RPS6KB2: variants seen among roughly 807,000 people sequenced by gnomAD.
RPS6KB2 encodes ribosomal protein S6 kinase B2, also known as ribosomal protein S6 kinase beta-2.
In RPS6KB2, 51 loss-of-function variants were observed where a neutral mutation model predicts 58.2. That is an observed-to-expected ratio of 0.88 (90% CI 0.70 to 1.11). The LOEUF (loss-of-function observed/expected upper bound fraction) is 1.11. Ranked by LOEUF, RPS6KB2 falls within the 50% of genes least tolerant of loss-of-function variation. The pLI, the probability that RPS6KB2 is intolerant of heterozygous loss-of-function variation, is 0.00. For missense variants in RPS6KB2, 671 were observed against 655.8 expected (o/e 1.02, Z -0.25); for synonymous variants, 293 against 258.6 (o/e 1.13, Z -1.28).
At position 67,429,569 on chromosome 11, in the gene RPS6KB2, A is replaced by G; in HGVS notation, c.283A>G (p.Ile95Val). 6.2e-7 allele frequency: 1 copy of G among 1,613,064 alleles called. No homozygotes were observed. The highest frequency in any genetic ancestry group is 8.5e-7 in the Non-Finnish European group (1 of 1,179,662). Reference sequence around the variant, plus strand: ...GGTGCAAGGCACCAACTTGGGCAAAATATATGCCATGAAAGTCCTAAGGAA... The same window carrying G: ...GGTGCAAGGCACCAACTTGGGCAAAGTATATGCCATGAAAGTCCTAAGGAA... ...RKVQGTNLGK[I>V]YAMKVLRKAK... The change falls in exon 4 of 15, where the codon ATA becomes GTA. Residue 95 changes from isoleucine to valine, a missense_variant. By Grantham distance (29) the Ile-to-Val change is conservative. Transcript: ENST00000312629.
rs758160055 is a variant in RPS6KB2, at chr11:67,429,211, C to CTCAAGGG, written c.211_212insTCAAGGG (p.Arg71LeufsTer51). On this transcript the variant is annotated frameshift_variant, in exon 3 of 15. Coordinates refer to ENST00000312629, the MANE Select transcript of RPS6KB2 (RefSeq NM_003952.3). LOFTEE classifies it high-confidence loss of function. ...CGGGCCCCACTGCTTTGAGCTGCTG[C>CTCAAGGG]GTGTGCTGGGCAAGGGGGGCTATGG... 6.2e-7 allele frequency: 1 copy of CTCAAGGG among 1,613,558 alleles called. No individual in the cohort carries two copies. The highest frequency in any genetic ancestry group is 1.1e-5 in the South Asian group (1 of 91,086).
At chr11:67,433,069 G>T in intron 8 of RPS6KB2, 27 bp downstream of exon 8, 1 of 1,612,670 alleles carries the variant, frequency 6.2e-7, no homozygotes, top group Non-Finnish European at 8.5e-7. Flanking sequence ...TGGCCCAGGG[G>T]TCGGGAGGAC....
rs1864234876 is a variant in RPS6KB2, at chr11:67,435,321, C to G, written c.*152C>G. ...TGTGTGTCTGCTGGGGCAGCTGTGC[C>G]CCTGAATCATGGGCACGGAGGGCCG... is the stretch of plus-strand genomic sequence containing the variant. On this transcript the variant is annotated 3_prime_UTR_variant, in exon 15 of 15. Transcript: ENST00000312629. The G allele has an allele frequency of 3.8e-6, 3 of 791,376 alleles. No individual in the cohort carries two copies. Among genetic ancestry groups the G allele is most frequent in the Non-Finnish European group, 5.8e-6 (3 of 516,238 alleles). The allele number at this position is 791,376 out of a possible 1,614,324, so 49.0% of individuals were successfully genotyped here. A position where few individuals can be genotyped will look rare whatever the true frequency, so the allele number is the denominator to read the frequency against.
chr11:67,435,211 T>G lies in RPS6KB2; in HGVS notation c.*42T>G. ...GAGGGTAGCCCTTGAGCCCTGTCCC[T>G]GCGGCTGTGAGAGCAGCAGGACCCT... On this transcript the variant is annotated 3_prime_UTR_variant, in exon 15 of 15. Coordinates refer to ENST00000312629, the MANE Select transcript of RPS6KB2 (RefSeq NM_003952.3). The G allele has an allele frequency of 6.8e-7, 1 of 1,476,808 alleles. No individual in the cohort carries two copies. The highest frequency in any genetic ancestry group is 9.0e-7 in the Non-Finnish European group (1 of 1,111,096). 91.5% of individuals were successfully genotyped at this position (1,476,808 alleles called of 1,614,324 possible).
Position 67,432,718 on chromosome 11 carries a change from C to G in RPS6KB2, c.516-19C>G, listed in dbSNP as rs745460258. On this transcript the variant is annotated intron_variant, in intron 6 of 14. Transcript: ENST00000312629. The stretch of plus-strand genomic sequence containing the variant: ...GGTCCCTGCTCTACTCCCGCCTTCA[C>G]CCTGTCTTGTTTCTGCAGCTTCTAC... The G allele has an allele frequency of 1.5e-5, 25 of 1,613,902 alleles. 1 individual carries two copies. In the South Asian group the frequency reaches 2.7e-4, roughly 18 times the overall value.
In RPS6KB2 at chr11:67,433,361, C is replaced by T. The variant is rs199664699; in HGVS notation, c.820C>T (p.Arg274Trp). The change falls in exon 10 of 15, where the codon CGG becomes TGG. Residue 274 changes from arginine (R) to tryptophan (W), a missense_variant. Transcript: ENST00000312629. Reference sequence around the variant, plus strand: ...CCAGCCGCCCTTCACCGCAGAGAACCGGAAGAAAACCATGGATAAGATCAT... The same window carrying T: ...CCAGCCGCCCTTCACCGCAGAGAACTGGAAGAAAACCATGGATAAGATCAT... ...TGSPPFTAEN[R>W]KKTMDKIIRG... 2.0e-5 allele frequency: 32 copies of T among 1,613,862 alleles called. No homozygotes were observed. The highest frequency in any genetic ancestry group is 2.2e-5 in the East Asian group (1 of 44,868).
chr11:67,435,280 T>C lies in RPS6KB2; in HGVS notation c.*111T>C. On this transcript the variant is annotated 3_prime_UTR_variant, in exon 15 of 15. Coordinates refer to ENST00000312629, the MANE Select transcript of RPS6KB2 (RefSeq NM_003952.3). ...TGGGGGTGTGTCTGGGGGTGGGGTGTGAGTGCGTATGAAAGTGTGTGTCTG... is the reference window on the plus strand; with the variant it reads ...TGGGGGTGTGTCTGGGGGTGGGGTGCGAGTGCGTATGAAAGTGTGTGTCTG... 2.0e-6 allele frequency: 2 copies of C among 1,003,140 alleles called. No homozygotes were observed. Among genetic ancestry groups the C allele is most frequent in the Non-Finnish European group, 2.8e-6 (2 of 706,330 alleles). The allele number at this position is 1,003,140 out of a possible 1,614,324, so 62.1% of individuals were successfully genotyped here. A position where few individuals can be genotyped will look rare whatever the true frequency, so the allele number is the denominator to read the frequency against.
At chr11:67,432,197 C>T in intron 5 of RPS6KB2, 1 of 424,482 alleles carries the variant, frequency 2.4e-6, no homozygotes, top group South Asian at 1.8e-5. Flanking sequence ...TCAGCATCCC[C>T]TTAAAGTCCC....
At chr11:67,431,805 C>T in intron 5 of RPS6KB2, 1 of 384,198 alleles carries the variant, frequency 2.6e-6, no homozygotes, top group Non-Finnish European at 4.8e-6. Context: ...TCCTACTCCC[C>T]TCCCTGTCTT....
rs776495062 is a variant in RPS6KB2, at chr11:67,434,594, G to A, written c.1168G>A (p.Val390Met). The A allele has an allele frequency of 1.6e-5, 26 of 1,605,790 alleles. No homozygotes were observed. The South Asian group carries it at 1.7e-4, about 10-fold the overall frequency. ...CTCCGCCCCCCAGGGCTTCACATAC[G>A]TGGCGCCGTCTGTCCTGGACAGCAT... Reference protein sequence around the residue: ...ANQAFLGFTYVAPSVLDSIKE... With the variant: ...ANQAFLGFTYMAPSVLDSIKE... Residue 390 changes from valine (V) to methionine (M), a missense_variant, in exon 14 of 15, where the codon GTG (valine) becomes ATG (methionine). Val to Met is a conservative substitution (Grantham distance 21). Coordinates refer to ENST00000312629, the MANE Select transcript of RPS6KB2 (RefSeq NM_003952.3).
rs1863932630 is a variant in RPS6KB2 at position 67,428,941 on chromosome 11, C to A, written c.79-41C>A. 4 of 1,613,556 alleles carry A rather than the reference C, an allele frequency of 2.5e-6. No homozygotes were observed. The East Asian group carries it at 8.9e-5, about 36-fold the overall frequency. The stretch of plus-strand genomic sequence containing the variant: ...AACCTGAACGGGAGCGGGGAGGTAT[C>A]CTGGCACCTTCCTTGGCTCTTACCC... On this transcript the variant is annotated intron_variant, in intron 1 of 14. Transcript: ENST00000312629.
At chr11:67,434,131 C>T in intron 11 of RPS6KB2, 67 bp from the exon 12 acceptor site, 1 of 1,610,806 alleles carries the variant, frequency 6.2e-7, no homozygotes, top group Non-Finnish European at 8.5e-7. Context: ...GGCCCCAGGG[C>T]AGAGGGAGTG....
In RPS6KB2 at chr11:67,433,197, A is replaced by ACGACATGCTCACTGGAT. The variant is rs1216237847; in HGVS notation, c.782_798dup (p.Pro267ThrfsTer44). On this transcript the variant is annotated frameshift_variant, in exon 9 of 15. Coordinates refer to ENST00000312629, the MANE Select transcript of RPS6KB2 (RefSeq NM_003952.3). LOFTEE classifies it high-confidence loss of function. Reference sequence around the variant, plus strand: ...TGGTGGAGCCTGGGGGCCCTGATGTACGACATGCTCACTGGATCGGCAAGT... The same window carrying ACGACATGCTCACTGGAT: ...TGGTGGAGCCTGGGGGCCCTGATGTACGACATGCTCACTGGATCGACATGCTCACTGGATCGGCAAGT... 5 of 1,606,322 alleles carry ACGACATGCTCACTGGAT rather than the reference A, an allele frequency of 3.1e-6. No individual in the cohort carries two copies. In the East Asian group the frequency reaches 6.7e-5, roughly 22 times the overall value.
chr11:67,429,651 T>G, intron 4 of RPS6KB2, 56 bp downstream of exon 4: 1 of 1,394,028 alleles, frequency 7.2e-7, no homozygotes, highest in Non-Finnish European at 1.0e-6. Flanking sequence ...CAACATGCTG[T>G]ACCAGGCTTT....
chr11:67,433,400 G>C lies in RPS6KB2; in HGVS notation c.859G>C (p.Ala287Pro), dbSNP rs770611310. 6.2e-7 allele frequency: 1 copy of C among 1,613,888 alleles called. No individual in the cohort carries two copies. The highest frequency in any genetic ancestry group is 1.7e-5 in the Admixed American group (1 of 59,998). Reference sequence around the variant, plus strand: ...GGATAAGATCATCAGGGGCAAGCTGGCACTGCCCCCCTACCTCACCCCAGA... The same window carrying C: ...GGATAAGATCATCAGGGGCAAGCTGCCACTGCCCCCCTACCTCACCCCAGA... ...TMDKIIRGKL[A>P]LPPYLTPDAR... The change falls in exon 10 of 15, where the codon GCA (alanine) becomes CCA (proline). Residue 287 changes from alanine (A) to proline (P), a missense_variant. Ala to Pro is a conservative substitution (Grantham distance 27). Coordinates refer to ENST00000312629, the MANE Select transcript of RPS6KB2 (RefSeq NM_003952.3).
chr11:67,434,911 G>A (rs1160862956), intron 14 of RPS6KB2, 78 bp from the exon 15 acceptor site: 2 of 1,398,458 alleles, frequency 1.4e-6, no homozygotes, highest in East Asian at 2.3e-5. Context: ...GGTGGGAAAG[G>A]CTGCCTTCCC....
chr11:67,434,132 A>C, intron 11 of RPS6KB2, 66 bp from the exon 12 acceptor site: 1 of 1,609,382 alleles, frequency 6.2e-7, no homozygotes, highest in South Asian at 1.1e-5. Flanking sequence ...GCCCCAGGGC[A>C]GAGGGAGTGA....
At position 67,431,740 on chromosome 11, in the gene RPS6KB2, G is replaced by A. The variant is rs1864029755; in HGVS notation, c.457+225G>A. On this transcript the variant is annotated intron_variant, in intron 5 of 14. Coordinates refer to ENST00000312629, the MANE Select transcript of RPS6KB2 (RefSeq NM_003952.3). ...TACTGTGTCCCTCACGTGTGTTGGG[G>A]GTGGATGGGCATGGTGCGAATTTGG... is the stretch of plus-strand genomic sequence containing the variant. The A allele has an allele frequency of 2.7e-5, 14 of 523,924 alleles. No individual in the cohort carries two copies. In the East Asian group the frequency reaches 4.6e-4, roughly 17 times the overall value. 32.5% of individuals were successfully genotyped at this position (523,924 alleles called of 1,614,324 possible).
At position 67,433,342 on chromosome 11, in the gene RPS6KB2, G is replaced by C; in HGVS notation, c.801G>C (p.Pro267=). The C allele has an allele frequency of 1.2e-6, 2 of 1,613,458 alleles. No homozygotes were observed. The highest frequency in any genetic ancestry group is 1.6e-4 in the Middle Eastern group (1 of 6,062). The change falls in exon 10 of 15, where the codon CCG becomes CCC. Residue 267 remains proline (P), a splice_region_variant and synonymous_variant. Coordinates refer to ENST00000312629, the MANE Select transcript of RPS6KB2 (RefSeq NM_003952.3). ...CTCTCACCTTCCTCCTCCTCCAGCC[G>C]CCCTTCACCGCAGAGAACCGGAAGA... The part of the protein sequence containing the change: ...ALMYDMLTGS[P]PFTAENRKKT...
Sources: gnomAD v4.1 joint callset for allele counts on GRCh38, gnomAD v4.1.1 for gene constraint, MANE v1.5 for transcripts, NCBI Gene and HGNC (gene_info 2026-07-23, HGNC 2026-07-21) for gene names.